The following SIDT2 variants were observed in gnomAD, a reference collection of about 807,000 sequenced individuals.
The protein encoded by SIDT2 is SID1 transmembrane family member 2.
Under a neutral mutation model 114.4 loss-of-function variants are expected in SIDT2, and 68 were observed. That is an observed-to-expected ratio of 0.59 (90% CI 0.49 to 0.73). The LOEUF is 0.73. SIDT2 is among the 30% of genes least tolerant of loss of function. The pLI is 0.00. For missense variants in SIDT2, 918 were observed against 1,097.1 expected, an observed-to-expected ratio of 0.84 and a Z score of 2.31; for synonymous variants, 470 against 438.4, an observed-to-expected ratio of 1.07 and a Z score of -0.90.
chr11:117,184,950 C>T (rs1010625512), intron 8 of SIDT2, among the ~76,000 whole-genome samples: 3 of 152,068 alleles, frequency 2.0e-5, no homozygotes, highest in Admixed American at 6.5e-5. Flanking sequence ...TGGTCTTGAA[C>T]TCTTGACCTC....
Position 117,187,695 on chromosome 11 carries a change from C to G in SIDT2, c.1155C>G (p.Tyr385Ter), listed in dbSNP as rs1342521688. ...GCACTGGGGACCTCTCTTACGGTTA[C>G]CAGGGTGAGTGGGCCAGGCTGGGAG... ...SAGTGDLSYG[Y>*]QGRSFEPVGT... Residue 385 changes from tyrosine (Y) to a stop codon, truncating the protein, a stop_gained, in exon 12 of 26, where the codon TAC becomes TAG. Coordinates refer to ENST00000324225, the MANE Select transcript of SIDT2 (RefSeq NM_001040455.2). LOFTEE classifies it high-confidence loss of function. 2 of 1,613,696 alleles carry G rather than the reference C, an allele frequency of 1.2e-6. No homozygotes were observed. The highest frequency in any genetic ancestry group is 1.7e-5 in the Admixed American group (1 of 59,958).
At chr11:117,191,700 G>C in intron 18 of SIDT2, 178 bp from the exon 19 acceptor site, 1 of 767,568 alleles carries the variant, frequency 1.3e-6, no homozygotes, top group Non-Finnish European at 2.1e-6. Context: ...GGGTGGCAGT[G>C]TGGTGTGGCA....
Position 117,189,331 on chromosome 11 carries a change from G to T in SIDT2, c.1353-4G>T. On this transcript the variant is annotated splice_polypyrimidine_tract_variant and splice_region_variant and intron_variant, in intron 14 of 25. Transcript: ENST00000324225. The stretch of plus-strand genomic sequence containing the variant: ...CACCTCACTGCCGCCCTCCTGCTCC[G>T]CAGGAACATTGCCACCATTGCTGTC... 5 of 1,614,200 alleles carry T rather than the reference G, an allele frequency of 3.1e-6. No individual in the cohort carries two copies. The South Asian group carries it at 3.3e-5, about 11-fold the overall frequency.
At chr11:117,183,681 A>G in intron 6 of SIDT2, 98 bp from the exon 7 acceptor site, 4 of 891,688 alleles carry the variant, frequency 4.5e-6, no homozygotes, top group African/African-American at 1.7e-5. Flanking sequence ...AAATATATCT[A>G]TGAAGAATTT....
At chr11:117,179,877 C>T (rs976747645) in intron 1 of SIDT2, 4 of 156,238 alleles carry the variant, frequency 2.6e-5, no homozygotes, top group East Asian at 1.9e-4. Context: ...ATCTCAGACT[C>T]CCCAGGGAGA....
Position 117,181,482 on chromosome 11 carries a change from G to C in SIDT2, c.250G>C (p.Val84Leu). 6.2e-7 allele frequency: 1 copy of C among 1,613,844 alleles called. No individual in the cohort carries two copies. Among genetic ancestry groups the C allele is most frequent in the South Asian group, 1.1e-5 (1 of 91,046 alleles). Reference sequence around the variant, plus strand: ...GAAGGGGGCGCCGTTGCTGTTTGTGGTCCGCCAGAAGGAGGCTGTGGTGTC... The same window carrying C: ...GAAGGGGGCGCCGTTGCTGTTTGTGCTCCGCCAGAAGGAGGCTGTGGTGTC... ...KQKGAPLLFV[V>L]RQKEAVVSFQ... The change falls in exon 2 of 26, where the codon GTC (valine) becomes CTC (leucine). Residue 84 changes from valine (V) to leucine (L), a missense_variant. Val to Leu is a conservative substitution (Grantham distance 32). Coordinates refer to ENST00000324225, the MANE Select transcript of SIDT2 (RefSeq NM_001040455.2).
chr11:117,190,225 T>C lies in SIDT2; in HGVS notation c.1553T>C (p.Leu518Pro). ...ATCCTGCTGGGGCTGCTTTTCCTGC[T>C]CATCATCCTGCAACGGGAGATCAAC... ...GYILLGLLFL[L>P]IILQREINHN... The change falls in exon 17 of 26, where the codon CTC becomes CCC. Residue 518 changes from leucine (L) to proline (P), a missense_variant. Coordinates refer to ENST00000324225, the MANE Select transcript of SIDT2 (RefSeq NM_001040455.2). The surrounding 1 kb of genome is among the most constrained non-coding windows in gnomAD (Gnocchi z 4.1). 1 of 1,579,820 alleles carries C rather than the reference T, an allele frequency of 6.3e-7. No homozygotes were observed. The highest frequency in any genetic ancestry group is 8.6e-7 in the Non-Finnish European group (1 of 1,163,272).
At chr11:117,186,914 T>C in intron 10 of SIDT2, 4 of 1,489,664 alleles carry the variant, frequency 2.7e-6, no homozygotes, top group Non-Finnish European at 3.6e-6. Flanking sequence ...CTGGGATTAT[T>C]AACCTTTCCT....
In SIDT2 at chr11:117,193,897, C is replaced by T. The variant is rs772058128; in HGVS notation, c.2256C>T (p.Ile752=). 8.7e-6 allele frequency: 14 copies of T among 1,614,010 alleles called. No individual in the cohort carries two copies. The highest frequency in any genetic ancestry group is 1.1e-5 in the Non-Finnish European group (13 of 1,180,046). ...TCAAGCTCATCCCCCTGCTCTGCAT[C>T]GTTTGCACCTCCGTGGTCTGGGGCT... ...ERIKLIPLLC[I]VCTSVVWGFA... Residue 752 remains isoleucine (I), a synonymous_variant, in exon 24 of 26, where the codon ATC becomes ATT. Coordinates refer to ENST00000324225, the MANE Select transcript of SIDT2 (RefSeq NM_001040455.2).
chr11:117,190,551 C>A lies in SIDT2; in HGVS notation c.1618-72C>A. ...TTTCCTCTTCCACTCCTCTTAGGGT[C>A]CCTCTTTTGGGTCCCTTCTTCCCTT... On this transcript the variant is annotated intron_variant, in intron 17 of 25. Coordinates refer to ENST00000324225, the MANE Select transcript of SIDT2 (RefSeq NM_001040455.2). This position sits in a 1 kb window ranked among gnomAD's most constrained non-coding sequence, Gnocchi z 4.1. 7.8e-7 allele frequency: 1 copy of A among 1,274,518 alleles called. No homozygotes were observed. The highest frequency in any genetic ancestry group is 1.1e-6 in the Non-Finnish European group (1 of 909,890). The allele number at this position is 1,274,518 out of a possible 1,614,324, so 79.0% of individuals were successfully genotyped here. A position where few individuals can be genotyped will look rare whatever the true frequency, so the allele number is the denominator to read the frequency against.
At chr11:117,189,127 C>G (rs981837940) in intron 13 of SIDT2, 42 bp from the exon 14 acceptor site, 1 of 1,601,474 alleles carries the variant, frequency 6.2e-7, no homozygotes, top group Admixed American at 1.7e-5. Flanking sequence ...GGGGGCTTCT[C>G]CCAAGTAGCA....
chr11:117,182,376 C>G, intron 4 of SIDT2, 143 bp from the exon 5 acceptor site: 1 of 768,170 alleles, frequency 1.3e-6, no homozygotes, highest in Non-Finnish European at 2.2e-6. Context: ...CTGCTGTGAT[C>G]AAGGCCTGTC....
intron 8 of SIDT2, 61 bp downstream of exon 8, chr11:117,184,200 CT>C (rs1179014853): frequency 3.9e-6 from 6 of 1,535,498 alleles, no homozygotes; most frequent in Non-Finnish European, 5.4e-6. Flanking sequence ...GCTTTCAGAC[CT>C]GGGATATAGG....
At chr11:117,187,836 C>T (rs2030557962) in intron 12 of SIDT2, 137 bp downstream of exon 12, 1 of 807,446 alleles carries the variant, frequency 1.2e-6, no homozygotes, top group Middle Eastern at 2.2e-4. Flanking sequence ...CCCTCTCTTC[C>T]CTCATCCCCT....
At chr11:117,180,811 TGA>T (rs1361251399) in intron 1 of SIDT2, among the ~76,000 whole-genome samples, 1 of 152,074 alleles carries the variant, frequency 6.6e-6, no homozygotes, top group Non-Finnish European at 1.5e-5. Flanking sequence ...GCTACAAGCG[TGA>T]GTCACCGCAC....
chr11:117,194,289 G>A (rs2030810648), intron 24 of SIDT2: 1 of 203,186 alleles, frequency 4.9e-6, no homozygotes, highest in Non-Finnish European at 9.9e-6. Flanking sequence ...CTCTAGCCTG[G>A]ACGATAGGCC....
intron 8 of SIDT2, among the ~76,000 whole-genome samples, chr11:117,184,968 C>G (rs531607401): frequency 6.6e-6 from 1 of 152,138 alleles, no homozygotes; most frequent in East Asian, 1.9e-4. Context: ...CTCAGGTGAT[C>G]CGCCCACCTT....
chr11:117,190,458 C>T lies in SIDT2; in HGVS notation c.1618-165C>T, dbSNP rs2030658685. Among the ~76,000 whole-genome samples, 1 of 151,646 alleles carries T rather than the reference C, an allele frequency of 6.6e-6. No individual in the cohort carries two copies. ...CCCAGCCTGCCCCACCCTGCCCTGC[C>T]CTCCCTTGCCAGCCTGCCCAGGCCA... On this transcript the variant is annotated intron_variant, in intron 17 of 25. Transcript: ENST00000324225. This position sits in a 1 kb window ranked among gnomAD's most constrained non-coding sequence, Gnocchi z 4.1.
Position 117,181,584 on chromosome 11 carries a change from C to A in SIDT2, c.305+47C>A, listed in dbSNP as rs116304592. 1.6e-3 allele frequency: 2,642 copies of A among 1,610,182 alleles called. 34 individuals are homozygous for A. In the African/African-American group the frequency reaches 0.031, roughly 19 times the overall value. On this transcript the variant is annotated intron_variant, in intron 2 of 25. Coordinates refer to ENST00000324225, the MANE Select transcript of SIDT2 (RefSeq NM_001040455.2). ...GGGAAGCGGGGCAGCCTAGGCCAGT[C>A]CTTGGCTGGAGCCTCAACCAGGAGC...
Sources: gnomAD v4.1 joint callset for allele counts (sites outside exome capture counted in the v4.1 genomes callset) on GRCh38, gnomAD v4.1.1 for gene constraint, Gnocchi (gnomAD v3.1) non-coding constraint, MANE v1.5 for transcripts, NCBI Gene and HGNC (gene_info 2026-07-23, HGNC 2026-07-21) for gene names.